LAMA3: variants seen among roughly 807,000 people sequenced by gnomAD.
LAMA3 encodes the protein laminin subunit alpha 3.
LAMA3 carries 281 observed loss-of-function variants against 402.0 expected under a neutral mutation model. The observed-to-expected ratio is 0.70, with a 90% CI of 0.63 to 0.77. The LOEUF is 0.77. Among genes scored for constraint, LAMA3 ranks in the 30% least tolerant of loss-of-function variants. LAMA3 has a pLI of 0.00. For synonymous variants in LAMA3, 1,431 were observed against 1,558.4 expected (o/e 0.92, Z 1.93); for missense variants, 3,840 against 4,215.5 (o/e 0.91, Z 2.47).
chr18:23,895,376 T>G (rs1200383069), intron 44 of LAMA3, among the ~76,000 whole-genome samples: 2 of 152,212 alleles, frequency 1.3e-5, no homozygotes, highest in Non-Finnish European at 2.9e-5. Flanking sequence ...CTTTAAATGT[T>G]GGATAGAATT....
intron 15 of LAMA3, 94 bp from the exon 16 acceptor site, chr18:23,815,094 T>G (rs2063149695): frequency 8.8e-7 from 1 of 1,131,224 alleles, no homozygotes; most frequent in African/African-American, 1.5e-5. Context: ...CAAGGCCAAC[T>G]GCACACGTTG....
chr18:23,826,524 ATGAGTGG>A (rs2063384834), intron 21 of LAMA3, among the ~76,000 whole-genome samples, 171 bp from the exon 22 acceptor site: 1 of 152,302 alleles, frequency 6.6e-6, no homozygotes. Context: ...AGAATCTTTG[ATGAGTGG>A]TTCTTTGTGT....
rs145241852 is a variant in LAMA3, at chr18:23,884,760, G to C, written c.5223-13G>C. On this transcript the variant is annotated splice_polypyrimidine_tract_variant and intron_variant, in intron 40 of 74. Transcript: ENST00000313654. The stretch of plus-strand genomic sequence containing the variant: ...TGTGTTTTTGATGGGGCCTTTTTCT[G>C]TCTTCTTTCAAGCTTTGCCACTGGC... 1.1e-3 allele frequency: 1,804 copies of C among 1,611,786 alleles called. 5 individuals carry two copies. The highest frequency in any genetic ancestry group is 2.7e-3 in the South Asian group (247 of 91,010).
intron 24 of LAMA3, 55 bp from the exon 25 acceptor site, chr18:23,836,926 C>G: frequency 1.6e-6 from 2 of 1,269,474 alleles, no homozygotes; most frequent in South Asian, 1.2e-5. Context: ...GAAGGATGTG[C>G]AGAATGAGGG....
intron 8 of LAMA3, among the ~76,000 whole-genome samples, chr18:23,770,718 G>A (rs1037894778): frequency 4.6e-5 from 7 of 152,158 alleles, no homozygotes; most frequent in South Asian, 2.1e-4. Flanking sequence ...TCGAGATCGC[G>A]CCACTGCACT....
At chr18:23,823,391 T>C (rs1179694750) in intron 20 of LAMA3, among the ~76,000 whole-genome samples, 2 of 152,224 alleles carry the variant, frequency 1.3e-5, no homozygotes, top group Admixed American at 1.3e-4. Flanking sequence ...CAGCAGCAGT[T>C]TGTTCTCTGT....
In LAMA3 at chr18:23,880,537, A is replaced by G. The variant is rs890123260; in HGVS notation, c.5113-1399A>G. Among the ~76,000 whole-genome samples, 4 of 152,348 alleles carry G rather than the reference A, an allele frequency of 2.6e-5. No homozygotes were observed. The South Asian group carries it at 8.3e-4, about 32-fold the overall frequency. The stretch of plus-strand genomic sequence containing the variant: ...TGAACAAGCCATGTCTTCTTGGGAT[A>G]TAAACGTATATTGCTTTTCCCAATC... On this transcript the variant is annotated intron_variant, in intron 39 of 74. Transcript: ENST00000313654.
In LAMA3 at chr18:23,875,201, C is replaced by T. The variant is rs1381615488; in HGVS notation, c.4999-1093C>T. ...TGAATCTGTGCACTGATTTGCTCTGCCAAAATAAAGGACATGTCTATAATT... is the reference window on the plus strand; with the variant it reads ...TGAATCTGTGCACTGATTTGCTCTGTCAAAATAAAGGACATGTCTATAATT... On this transcript the variant is annotated intron_variant, in intron 38 of 74. Transcript: ENST00000313654. Among the ~76,000 whole-genome samples the T allele has an allele frequency of 2.6e-5, 4 of 151,954 alleles. No individual in the cohort carries two copies. The East Asian group carries it at 7.7e-4, about 29-fold the overall frequency.
chr18:23,704,560 C>T (rs1348956655), intron 1 of LAMA3, among the ~76,000 whole-genome samples: 2 of 152,204 alleles, frequency 1.3e-5, no homozygotes, highest in African/African-American at 2.4e-5. Context: ...GCTGGGCTCC[C>T]ACACCCCAGT....
intron 20 of LAMA3, among the ~76,000 whole-genome samples, chr18:23,823,900 A>G (rs2063333144): frequency 6.6e-6 from 1 of 152,178 alleles, no homozygotes; most frequent in South Asian, 2.1e-4. Context: ...TTAAAACTTA[A>G]AAATCACATA....
rs112220432 is a variant in LAMA3 at position 23,738,779 on chromosome 18, G to T, written c.448-9164G>T. Among the ~76,000 whole-genome samples, 9 of 152,320 alleles carry T rather than the reference G, an allele frequency of 5.9e-5. No individual in the cohort carries two copies. In the South Asian group the frequency reaches 6.2e-4, roughly 11 times the overall value. ...CTGCCATCACAGCCACTTCCAGAAAGAATTCTTCAGTGTCTCTGCCTTTTT... is the reference window on the plus strand; with the variant it reads ...CTGCCATCACAGCCACTTCCAGAAATAATTCTTCAGTGTCTCTGCCTTTTT... On this transcript the variant is annotated intron_variant, in intron 2 of 74. Transcript: ENST00000313654.
intron 68 of LAMA3, among the ~76,000 whole-genome samples, chr18:23,940,274 A>G (rs1007749462): frequency 6.6e-6 from 1 of 152,186 alleles, no homozygotes; most frequent in African/African-American, 2.4e-5. Flanking sequence ...GTCGCAGTCC[A>G]CAGACTGTAA....
intron 12 of LAMA3, chr18:23,796,079 G>A (rs1041733320): frequency 6.7e-6 from 3 of 445,554 alleles, no homozygotes; most frequent in Non-Finnish European, 1.3e-5. Flanking sequence ...AGCAGAAACT[G>A]AACCAGCCAG....
Position 23,899,085 on chromosome 18 carries a change from C to G in LAMA3, c.5836+20C>G, listed in dbSNP as rs759598355. 2 of 1,582,662 alleles carry G rather than the reference C, an allele frequency of 1.3e-6. No homozygotes were observed. The highest frequency in any genetic ancestry group is 2.7e-5 in the African/African-American group (2 of 74,238). ...TGCACAGTAAGAAGAGTTATTAAGC[C>G]CAATTACATTTTTTTTGGTTACATA... On this transcript the variant is annotated intron_variant, in intron 46 of 74. Transcript: ENST00000313654.
At chr18:23,844,242 A>G (rs141033100) in intron 29 of LAMA3, among the ~76,000 whole-genome samples, 60 of 152,374 alleles carry the variant, frequency 3.9e-4, no homozygotes, top group African/African-American at 1.3e-3. Flanking sequence ...AGTGTTTGCT[A>G]TAGGCATATT....
chr18:23,913,802 A>C (rs1171267401), intron 56 of LAMA3, among the ~76,000 whole-genome samples: 2 of 152,234 alleles, frequency 1.3e-5, no homozygotes, highest in African/African-American at 2.4e-5. Context: ...CAGCAAATTT[A>C]TACCATATAC....
intron 67 of LAMA3, 106 bp from the exon 68 acceptor site, chr18:23,939,117 T>C: frequency 2.4e-6 from 3 of 1,224,522 alleles, no homozygotes; most frequent in Non-Finnish European, 2.4e-6. Context: ...ATTGCCCTAC[T>C]GAATTCCTCA....
chr18:23,916,031 AG>A lies in LAMA3; in HGVS notation c.7779-519del, dbSNP rs796616716. On this transcript the variant is annotated intron_variant, in intron 59 of 74. Transcript: ENST00000313654. The stretch of plus-strand genomic sequence containing the variant: ...CAAAAAAAAAAAAAAAAAAAAAAAA[AG>A]AAAAGAAAAGAAAAAGAAAAAGAAA... Among the ~76,000 whole-genome samples, 174 of 121,978 alleles carry A rather than the reference AG, an allele frequency of 1.4e-3. 3 individuals carry two copies. The highest frequency in any genetic ancestry group is 5.4e-3 in the African/African-American group (156 of 29,002). 80.0% of individuals were successfully genotyped at this position (121,978 alleles called of 152,430 possible).
In LAMA3 at chr18:23,826,747, C is replaced by G. The variant is rs145722544; in HGVS notation, c.2617C>G (p.Leu873Val). Residue 873 changes from leucine to valine, a missense_variant, in exon 22 of 75, where the codon CTG becomes GTG. Physicochemically the swap from Leu to Val is conservative, Grantham distance 32 (BLOSUM62 1). Coordinates refer to ENST00000313654, the MANE Select transcript of LAMA3 (RefSeq NM_198129.4). ...CAGGGACTACTATGAAGCCTCTGTACTGCAGCTGCCAGTCACAGAACCATG... is the reference window on the plus strand; with the variant it reads ...CAGGGACTACTATGAAGCCTCTGTAGTGCAGCTGCCAGTCACAGAACCATG... ...LPRDYYEASV[L>V]QLPVTEPCAY... 73 of 1,566,382 alleles carry G rather than the reference C, an allele frequency of 4.7e-5. No homozygotes were observed. The highest frequency in any genetic ancestry group is 6.2e-5 in the Non-Finnish European group (71 of 1,153,870).
Sources: allele counts gnomAD v4.1 joint callset (sites outside exome capture counted in the v4.1 genomes callset), GRCh38; gene constraint gnomAD v4.1.1; transcripts MANE v1.5; gene names NCBI Gene and HGNC (gene_info 2026-07-23, HGNC 2026-07-21).